CNTN5: variants seen among roughly 807,000 people sequenced by gnomAD.
CNTN5 encodes contactin-5.
A neutral mutation model predicts 129.1 loss-of-function variants in CNTN5; 77 were observed. That is an observed-to-expected ratio of 0.60 (90% CI 0.50 to 0.72). The LOEUF (loss-of-function observed/expected upper bound fraction) is 0.72, where lower values mean the gene tolerates loss of function less well. CNTN5 is among the 30% of genes least tolerant of loss of function. The pLI is 0.00. For synonymous variants in CNTN5, 509 were observed against 465.6 expected (o/e 1.09, Z -1.20); for missense variants, 1,478 against 1,328.8 (o/e 1.11, Z -1.75).
At chr11:99,439,797 A>G (rs758387233) in intron 2 of CNTN5, among the ~76,000 whole-genome samples, 1 of 152,074 alleles carries the variant, frequency 6.6e-6, no homozygotes, top group Non-Finnish European at 1.5e-5. Flanking sequence ...TTTTTAGATA[A>G]GATACATGCA....
chr11:99,989,619 C>T (rs1901863), intron 8 of CNTN5, among the ~76,000 whole-genome samples: 56,522 of 151,884 alleles, frequency 0.37, 11,735 homozygotes, highest in African/African-American at 0.56. Context: ...TTTCTGATTA[C>T]ATGCATGTAA....
chr11:99,733,900 G>A (rs1417038643), intron 3 of CNTN5, among the ~76,000 whole-genome samples: 1 of 152,296 alleles, frequency 6.6e-6, no homozygotes, highest in African/African-American at 2.4e-5. Context: ...TTTCCTAAGA[G>A]AGCCAGTTCA....
intron 18 of CNTN5, among the ~76,000 whole-genome samples, chr11:100,291,387 A>T (rs1335483148): frequency 6.7e-6 from 1 of 150,190 alleles, no homozygotes; most frequent in Non-Finnish European, 1.5e-5. Context: ...GACTGGATTA[A>T]GAAAATGTGG....
chr11:100,057,197 T>G (rs1295577099), intron 9 of CNTN5, among the ~76,000 whole-genome samples: 2 of 148,118 alleles, frequency 1.4e-5, no homozygotes, highest in African/African-American at 4.9e-5. Flanking sequence ...ATATATAAAG[T>G]ATAAATATAT....
intron 2 of CNTN5, among the ~76,000 whole-genome samples, chr11:99,523,281 A>G (rs1340798429): frequency 1.3e-5 from 2 of 152,170 alleles, no homozygotes; most frequent in African/African-American, 4.8e-5. Context: ...GGTACAGTAA[A>G]TTACAGTCTG....
At chr11:99,288,843 A>G (rs888472190) in intron 1 of CNTN5, among the ~76,000 whole-genome samples, 1 of 151,886 alleles carries the variant, frequency 6.6e-6, no homozygotes, top group Admixed American at 6.6e-5. Flanking sequence ...TAAAAAGCTA[A>G]TACATCTGGG....
chr11:100,078,800 T>C (rs1944246560), intron 13 of CNTN5, among the ~76,000 whole-genome samples: 1 of 152,078 alleles, frequency 6.6e-6, no homozygotes, highest in Non-Finnish European at 1.5e-5. Context: ...CTGATGACGA[T>C]GATGATGGTG....
chr11:99,321,068 A>G (rs913013379), intron 1 of CNTN5, among the ~76,000 whole-genome samples: 2 of 152,064 alleles, frequency 1.3e-5, no homozygotes, highest in African/African-American at 4.8e-5. Flanking sequence ...TTGAAACGTC[A>G]GCTTTTGCTG....
intron 8 of CNTN5, among the ~76,000 whole-genome samples, chr11:99,980,677 A>G (rs1269195611): frequency 1.3e-5 from 2 of 152,202 alleles, no homozygotes; most frequent in Non-Finnish European, 2.9e-5. Context: ...AATATAGTCA[A>G]TAATTTATTT....
At chr11:99,382,275 G>T (rs1327229989) in intron 2 of CNTN5, among the ~76,000 whole-genome samples, 1 of 152,040 alleles carries the variant, frequency 6.6e-6, no homozygotes, top group Non-Finnish European at 1.5e-5. Context: ...TGAATGGCAC[G>T]CAGCACCCCC....
At chr11:100,350,064 T>C (rs1198184526) in intron 23 of CNTN5, among the ~76,000 whole-genome samples, 1 of 151,834 alleles carries the variant, frequency 6.6e-6, no homozygotes, top group Admixed American at 6.6e-5. Context: ...ACACCATGTA[T>C]CCAAATGCCG....
intron 9 of CNTN5, among the ~76,000 whole-genome samples, chr11:100,012,289 G>T (rs1406411371): frequency 6.6e-6 from 1 of 152,084 alleles, no homozygotes; most frequent in Non-Finnish European, 1.5e-5. Context: ...AGGATTGCAT[G>T]ACCTAACAAA....
intron 16 of CNTN5, among the ~76,000 whole-genome samples, chr11:100,250,541 T>C (rs1329535931): frequency 6.6e-6 from 1 of 152,106 alleles, no homozygotes; most frequent in Non-Finnish European, 1.5e-5. Flanking sequence ...GAATTTAGAA[T>C]TTAAACATTA....
intron 6 of CNTN5, among the ~76,000 whole-genome samples, chr11:99,885,042 G>C (rs1012629467): frequency 3.3e-5 from 5 of 152,198 alleles, no homozygotes; most frequent in East Asian, 1.9e-4. Context: ...CAGCACTCTG[G>C]GGGGGTGAGG....
chr11:99,631,510 G>C (rs895162354), intron 3 of CNTN5, among the ~76,000 whole-genome samples: 2 of 146,426 alleles, frequency 1.4e-5, no homozygotes, highest in Admixed American at 1.3e-4. Flanking sequence ...AAACCAAACT[G>C]TTTATTATAG....
intron 1 of CNTN5, among the ~76,000 whole-genome samples, chr11:99,072,096 A>G (rs939640461): frequency 3.3e-5 from 5 of 152,150 alleles, no homozygotes; most frequent in Admixed American, 2.0e-4. Flanking sequence ...AAGTTGAACA[A>G]TGGCAGAACT....
At chr11:100,034,724 C>T (rs1017892186) in intron 9 of CNTN5, among the ~76,000 whole-genome samples, 13 of 152,200 alleles carry the variant, frequency 8.5e-5, no homozygotes, top group Non-Finnish European at 1.5e-4. Context: ...TAGAGACTAT[C>T]TGGTCCACAA....
At chr11:99,848,253 T>A (rs1408461921) in intron 6 of CNTN5, among the ~76,000 whole-genome samples, 2 of 152,196 alleles carry the variant, frequency 1.3e-5, no homozygotes, top group South Asian at 2.1e-4. Flanking sequence ...GCAACTTTCC[T>A]TTACATTGAG....
At chr11:99,346,038 A>C (rs909775182) in intron 2 of CNTN5, among the ~76,000 whole-genome samples, 2 of 152,206 alleles carry the variant, frequency 1.3e-5, no homozygotes, top group East Asian at 3.8e-4. Flanking sequence ...CTAACATAAT[A>C]CTTTTTAAAG....
Sources: allele counts gnomAD v4.1 joint callset (sites outside exome capture counted in the v4.1 genomes callset), GRCh38; gene constraint gnomAD v4.1.1; transcripts MANE v1.5; gene names NCBI Gene and HGNC (gene_info 2026-07-23, HGNC 2026-07-21).